Variants in RSPH3 observed in about 807,000 individuals in gnomAD.
RSPH3 encodes radial spoke head 3.
RSPH3 carries 21 observed loss-of-function variants against 43.8 expected under a neutral mutation model. That is an observed-to-expected ratio of 0.48 (90% CI 0.34 to 0.69). The LOEUF is 0.69. Among genes scored for constraint, RSPH3 ranks in the 30% least tolerant of loss-of-function variants. The probability of loss-of-function intolerance (pLI) is 0.01; values close to 1 mark genes in which losing one functional copy is unlikely to be tolerated. For synonymous variants in RSPH3, 173 were observed against 179.8 expected, an observed-to-expected ratio of 0.96 and a Z score of 0.30; for missense variants, 487 against 516.0, an observed-to-expected ratio of 0.94 and a Z score of 0.54.
At position 158,983,775 on chromosome 6, in the gene RSPH3, T is replaced by C. The variant is rs1018637422; in HGVS notation, c.379A>G (p.Ile127Val). 5 of 1,603,138 alleles carry C rather than the reference T, an allele frequency of 3.1e-6. No individual in the cohort carries two copies. Among genetic ancestry groups the C allele is most frequent in the Admixed American group, 3.3e-5 (2 of 59,994 alleles). ...GTTTGGCATTCCATATCAACTTCTA[T>C]TATGCGATCAGCAATTTCTTCAAGG... Reference protein sequence around the residue: ...LYLEEIADRIIEVDMECQTDA... With the variant: ...LYLEEIADRIVEVDMECQTDA... The change falls in exon 4 of 8, where the codon ATA becomes GTA. Residue 127 changes from isoleucine (I) to valine (V), a missense_variant. Coordinates refer to ENST00000367069, the MANE Select transcript of RSPH3 (RefSeq NM_031924.8).
chr6:158,965,364 A>G, the RSPH3 span, among the ~76,000 whole-genome samples: 2 of 152,080 alleles, frequency 1.3e-5, no homozygotes, highest in African/African-American at 4.8e-5. Context: ...TCTGGAGATC[A>G]CTCTGGGGAG....
downstream of RSPH3, among the ~76,000 whole-genome samples, chr6:158,970,833 G>A (rs371351392): frequency 6.6e-6 from 1 of 152,300 alleles, no homozygotes; most frequent in East Asian, 1.9e-4. Flanking sequence ...TTACAGGCGT[G>A]AGAAACGTGC....
chr6:158,991,292 C>A (rs1039316135), intron 2 of RSPH3, among the ~76,000 whole-genome samples: 26 of 152,066 alleles, frequency 1.7e-4, no homozygotes, highest in African/African-American at 5.8e-4. Flanking sequence ...TGTATCCTGG[C>A]TATTTTGGGT....
Position 158,980,814 on chromosome 6 carries a change from G to T in RSPH3, c.819C>A (p.Ser273Arg), listed in dbSNP as rs565141350. The change falls in exon 6 of 8, where the codon AGC becomes AGA. Residue 273 changes from serine to arginine, a missense_variant. Coordinates refer to ENST00000367069, the MANE Select transcript of RSPH3 (RefSeq NM_031924.8). ...LADLLPSVFG[S>R]LRDSGYFYDP... ...CATAAAAGTAGCCACTATCCCTGAGGCTGCCAAAAACAGACGGGAGAAGGT... is the reference window on the plus strand; with the variant it reads ...CATAAAAGTAGCCACTATCCCTGAGTCTGCCAAAAACAGACGGGAGAAGGT... The T allele has an allele frequency of 6.2e-7, 1 of 1,614,040 alleles. No homozygotes were observed. Among genetic ancestry groups the T allele is most frequent in the Admixed American group, 1.7e-5 (1 of 60,024 alleles).
Position 159,000,157 on chromosome 6 carries a change from C to T in RSPH3, c.-607G>A. ...CAGGCTGCCCCCGCGATAACACGCC[C>T]CTGGCAGCCAGGCTCCCAGCTCTGT... On this transcript the variant is annotated 5_prime_UTR_variant, in exon 1 of 8. Coordinates refer to ENST00000367069, the MANE Select transcript of RSPH3 (RefSeq NM_031924.8). The T allele has an allele frequency of 1.6e-6, 1 of 620,558 alleles. No homozygotes were observed. The highest frequency in any genetic ancestry group is 3.1e-5 in the East Asian group (1 of 31,884). 38.4% of individuals were successfully genotyped at this position (620,558 alleles called of 1,614,324 possible).
At chr6:158,992,785 C>T (rs1778460049) in intron 2 of RSPH3, among the ~76,000 whole-genome samples, 1 of 152,146 alleles carries the variant, frequency 6.6e-6, no homozygotes, top group Non-Finnish European at 1.5e-5. Context: ...TATTTCATTT[C>T]TGTGCCAAGA....
intron 2 of RSPH3, among the ~76,000 whole-genome samples, chr6:158,990,960 A>C (rs1047653216): frequency 6.6e-6 from 1 of 150,912 alleles, no homozygotes; most frequent in Non-Finnish European, 1.5e-5. Context: ...TTCTTCTTCA[A>C]ATTTACTGAC....
rs532915705 is a variant in RSPH3, at chr6:158,974,457, G to C, written c.*3081C>G. ...CAAAAGTTGCTTACAGTTATGAAAAGTCTTCTAGACATATGGAACCTAAGA... is the reference window on the plus strand; with the variant it reads ...CAAAAGTTGCTTACAGTTATGAAAACTCTTCTAGACATATGGAACCTAAGA... On this transcript the variant is annotated 3_prime_UTR_variant, in exon 8 of 8. Coordinates refer to ENST00000367069, the MANE Select transcript of RSPH3 (RefSeq NM_031924.8). 1 of 152,186 alleles carries C rather than the reference G, an allele frequency of 6.6e-6. No individual in the cohort carries two copies. The highest frequency in any genetic ancestry group is 1.5e-5 in the Non-Finnish European group (1 of 68,010). The allele number at this position is 152,186 out of a possible 1,614,324, so 9.4% of individuals were successfully genotyped here.
At position 158,978,240 on chromosome 6, in the gene RSPH3, T is replaced by A. The variant is rs1201050233; in HGVS notation, c.946+20A>T. On this transcript the variant is annotated intron_variant, in intron 7 of 7. Transcript: ENST00000367069. ...TCTACTAAAAACTTTAGAGATGAAT[T>A]TTTGGATAAAATAACTTACTGTCAA... is the stretch of plus-strand genomic sequence containing the variant. 6.1e-6 allele frequency: 8 copies of A among 1,306,738 alleles called. No homozygotes were observed. The highest frequency in any genetic ancestry group is 8.8e-6 in the Non-Finnish European group (8 of 910,952). 80.9% of individuals were successfully genotyped at this position (1,306,738 alleles called of 1,614,324 possible). A position where few individuals can be genotyped will look rare whatever the true frequency, so the allele number is the denominator to read the frequency against.
downstream of RSPH3, among the ~76,000 whole-genome samples, chr6:158,969,655 G>T (rs1335840264): frequency 1.3e-5 from 2 of 152,080 alleles, no homozygotes; most frequent in African/African-American, 4.8e-5. Context: ...TATGCTTGAT[G>T]GTGTCCCACA....
rs140715430 is a variant in RSPH3, at chr6:158,999,934, G to A, written c.-384C>T. Reference sequence around the variant, plus strand: ...AGGTAGGTGCGCCTGCGCTTTGCGAGGTTCCTGGCTAGGGAGGCGGCCTTG... The same window carrying A: ...AGGTAGGTGCGCCTGCGCTTTGCGAAGTTCCTGGCTAGGGAGGCGGCCTTG... On this transcript the variant is annotated 5_prime_UTR_variant, in exon 1 of 8. Transcript: ENST00000367069. 1.1e-4 allele frequency: 173 copies of A among 1,610,546 alleles called. No individual in the cohort carries two copies. In the African/African-American group the frequency reaches 2.1e-3, roughly 19 times the overall value.
intron 1 of RSPH3, among the ~76,000 whole-genome samples, chr6:158,995,633 C>T (rs147760862): frequency 0.018 from 2,710 of 152,176 alleles, 35 homozygotes; most frequent in Middle Eastern, 0.024. Flanking sequence ...CTCACTCTGT[C>T]ACCCAGGCTG....
chr6:158,970,260 A>C (rs917549637), downstream of RSPH3, among the ~76,000 whole-genome samples: 6 of 152,176 alleles, frequency 3.9e-5, no homozygotes, highest in African/African-American at 1.4e-4. Flanking sequence ...GTGGCCACTG[A>C]AGTCTCTGCT....
In RSPH3 at chr6:158,973,878, G is replaced by C. The variant is rs1267358878; in HGVS notation, c.*3660C>G. 1 of 151,576 alleles carries C rather than the reference G, an allele frequency of 6.6e-6. No individual in the cohort carries two copies. Among genetic ancestry groups the C allele is most frequent in the Non-Finnish European group, 1.5e-5 (1 of 67,890 alleles). The allele number at this position is 151,576 out of a possible 1,614,324, so 9.4% of individuals were successfully genotyped here. ...GGAGTCTTGCTCTGTCACCGGGCTG[G>C]AGTGCAGCGGCGCGACCTCCTGGGT... On this transcript the variant is annotated 3_prime_UTR_variant, in exon 8 of 8. Coordinates refer to ENST00000367069, the MANE Select transcript of RSPH3 (RefSeq NM_031924.8).
At chr6:158,998,349 G>C (rs1190804031) in intron 1 of RSPH3, among the ~76,000 whole-genome samples, 3 of 141,814 alleles carry the variant, frequency 2.1e-5, no homozygotes, top group Non-Finnish European at 4.6e-5. Context: ...GGCGCCTGTA[G>C]TCCCAGCTAC....
At chr6:158,986,780 CTTA>C in intron 2 of RSPH3, among the ~76,000 whole-genome samples, 1 of 152,252 alleles carries the variant, frequency 6.6e-6, no homozygotes, top group South Asian at 2.1e-4. Context: ...CAAGATTCCT[CTTA>C]TTATTGATTT....
chr6:158,980,780 C>T lies in RSPH3; in HGVS notation c.853G>A (p.Glu285Lys). The change falls in exon 6 of 8, where the codon GAA becomes AAA. Residue 285 changes from glutamate to lysine, a missense_variant. Coordinates refer to ENST00000367069, the MANE Select transcript of RSPH3 (RefSeq NM_031924.8). ...RDSGYFYDPI[E>K]RDIEIGFLPW... ...AACAAAAATATCTACAAACCTCTTTCAATGGGATCATAAAAGTAGCCACTA... is the reference window on the plus strand; with the variant it reads ...AACAAAAATATCTACAAACCTCTTTTAATGGGATCATAAAAGTAGCCACTA... The T allele has an allele frequency of 6.2e-7, 1 of 1,613,000 alleles. No homozygotes were observed. Among genetic ancestry groups the T allele is most frequent in the Non-Finnish European group, 8.5e-7 (1 of 1,179,122 alleles).
intron 2 of RSPH3, among the ~76,000 whole-genome samples, chr6:158,992,689 G>A (rs1047502517): frequency 3.0e-4 from 46 of 152,134 alleles, no homozygotes; most frequent in African/African-American, 1.1e-3. Context: ...TTATTGGGAC[G>A]TAACCTCATC....
At chr6:158,971,820 T>C (rs1335737490), downstream of RSPH3, among the ~76,000 whole-genome samples, 1 of 152,198 alleles carries the variant, frequency 6.6e-6, no homozygotes, top group Admixed American at 6.5e-5. Context: ...AGTGATTTGG[T>C]GATGGGTGAT....
Sources: allele counts gnomAD v4.1 joint callset (sites outside exome capture counted in the v4.1 genomes callset), GRCh38; gene constraint gnomAD v4.1.1; transcripts MANE v1.5; gene names NCBI Gene and HGNC (gene_info 2026-07-23, HGNC 2026-07-21).